RAB27A: variants seen among roughly 807,000 people sequenced by gnomAD.
RAB27A encodes the protein ras-related protein Rab-27A.
A neutral mutation model predicts 20.8 loss-of-function variants in RAB27A; 17 were observed. That is an observed-to-expected ratio of 0.82 (90% CI 0.56 to 1.23). RAB27A has a LOEUF of 1.23. RAB27A is among the 50% of genes most tolerant of loss of function. The probability of loss-of-function intolerance (pLI) is 0.00; values close to 1 mark genes in which losing one functional copy is unlikely to be tolerated. For synonymous variants in RAB27A, 85 were observed against 92.8 expected (o/e 0.92, Z 0.48); for missense variants, 277 against 266.7 (o/e 1.04, Z -0.27).
chr15:55,240,948 C>T (rs1160109862), intron 2 of RAB27A, among the ~76,000 whole-genome samples: 3 of 152,098 alleles, frequency 2.0e-5, no homozygotes, highest in African/African-American at 7.2e-5. Context: ...CTCAATGAAG[C>T]ACAATAATAA....
At position 55,204,955 on chromosome 15, in the gene RAB27A, A is replaced by G. The variant is rs1389577883; in HGVS notation, c.*552T>C. The G allele has an allele frequency of 5.9e-6, 1 of 170,020 alleles. No individual in the cohort carries two copies. The highest frequency in any genetic ancestry group is 2.4e-5 in the African/African-American group (1 of 41,578). The allele number at this position is 170,020 out of a possible 1,614,324, so 10.5% of individuals were successfully genotyped here. ...TAGATATAGCCATGATTTGTCCTAT[A>G]TTCATGTTAAATAGAATGCTTACAT... On this transcript the variant is annotated 3_prime_UTR_variant, in exon 7 of 7. Transcript: ENST00000336787.
At chr15:55,246,074 G>A (rs1251533623) in intron 2 of RAB27A, among the ~76,000 whole-genome samples, 2 of 151,176 alleles carry the variant, frequency 1.3e-5, no homozygotes, top group Non-Finnish European at 2.9e-5. Flanking sequence ...CTTCGTCTAA[G>A]ATATATATAT....
At chr15:55,297,952 C>A (rs557826992) in intron 2 of RAB27A, among the ~76,000 whole-genome samples, 31 of 152,188 alleles carry the variant, frequency 2.0e-4, no homozygotes, top group African/African-American at 7.5e-4. Context: ...CCTGTAATCC[C>A]AGCACTTTGG....
chr15:55,242,531 A>G (rs768190318), intron 2 of RAB27A, among the ~76,000 whole-genome samples: 2 of 152,238 alleles, frequency 1.3e-5, no homozygotes, highest in Non-Finnish European at 2.9e-5. Flanking sequence ...TAAGTGTTCA[A>G]TAATTGAGAC....
At position 55,298,241 on chromosome 15, in the gene RAB27A, T is replaced by C. The variant is rs370543113; in HGVS notation, c.-112+15798A>G. On this transcript the variant is annotated intron_variant, in intron 2 of 5. Coordinates refer to the RAB27A transcript ENST00000563262. ...AAAAAAAAGTCAGTTGTGGGCCGTA[T>C]TGGGGAACCTGCCCCGATAGTCACA... 8.6e-5 allele frequency among the ~76,000 whole-genome samples: 13 copies of C among 150,922 alleles called. No homozygotes were observed. The East Asian group carries it at 1.8e-3, about 20-fold the overall frequency.
chr15:55,220,005 C>G (rs941001934), intron 6 of RAB27A, among the ~76,000 whole-genome samples: 1 of 152,050 alleles, frequency 6.6e-6, no homozygotes, highest in South Asian at 2.1e-4. Context: ...TCTTAGGCCA[C>G]TACAAATTTT....
chr15:55,236,267 CAT>C (rs1359138687), intron 2 of RAB27A, among the ~76,000 whole-genome samples: 1 of 152,120 alleles, frequency 6.6e-6, no homozygotes, highest in Non-Finnish European at 1.5e-5. Context: ...TTCATTTTCA[CAT>C]GTTATTACGG....
chr15:55,259,063 AC>A (rs1897183367), intron 2 of RAB27A, among the ~76,000 whole-genome samples: 1 of 152,146 alleles, frequency 6.6e-6, no homozygotes. Flanking sequence ...TGATCCGCCC[AC>A]CTTGGCCGTC....
intron 2 of RAB27A, among the ~76,000 whole-genome samples, chr15:55,263,938 G>A (rs1016627616): frequency 2.6e-5 from 4 of 152,196 alleles, no homozygotes; most frequent in Non-Finnish European, 5.9e-5. Flanking sequence ...GGAGTCTTTA[G>A]TCTTACAAAA....
At chr15:55,213,050 T>C (rs979619260) in intron 6 of RAB27A, among the ~76,000 whole-genome samples, 10 of 152,230 alleles carry the variant, frequency 6.6e-5, no homozygotes, top group African/African-American at 2.4e-4. Flanking sequence ...AATAAAGCCA[T>C]GAAAGTCGTG....
At chr15:55,221,909 A>C (rs1895589679) in intron 6 of RAB27A, among the ~76,000 whole-genome samples, 1 of 152,086 alleles carries the variant, frequency 6.6e-6, no homozygotes, top group Non-Finnish European at 1.5e-5. Context: ...TTAGTCCCTC[A>C]TTATGGGCAC....
At chr15:55,230,507 AG>A in intron 3 of RAB27A, 21 bp from the exon 4 acceptor site, 4 of 1,586,900 alleles carry the variant, frequency 2.5e-6, no homozygotes, top group Non-Finnish European at 3.5e-6. Flanking sequence ...AAAGTGAAAG[AG>A]AAAACAAAAG....
chr15:55,274,709 C>CAGA lies in RAB27A; in HGVS notation c.-142-4428_-142-4426dup, dbSNP rs1436457731. Among the ~76,000 whole-genome samples the CAGA allele has an allele frequency of 4.7e-5, 7 of 148,462 alleles. No homozygotes were observed. In the South Asian group the frequency reaches 1.5e-3, roughly 31 times the overall value. On this transcript the variant is annotated intron_variant, in intron 1 of 6. Coordinates refer to ENST00000336787, the MANE Select transcript of RAB27A (RefSeq NM_183235.3). ...AGGAGAATCACTTGAACCTGGGAAG[C>CAGA]AGAAGTTGCAGTGAGCTGAGATTGC...
Position 55,204,440 on chromosome 15 carries a change from T to C in RAB27A, c.*1067A>G, listed in dbSNP as rs1894546994. 6.6e-6 allele frequency: 1 copy of C among 152,202 alleles called. No individual in the cohort carries two copies. The highest frequency in any genetic ancestry group is 1.5e-5 in the Non-Finnish European group (1 of 68,030). The allele number at this position is 152,202 out of a possible 1,614,324, so 9.4% of individuals were successfully genotyped here. A position where few individuals can be genotyped will look rare whatever the true frequency, so the allele number is the denominator to read the frequency against. ...GTGACTGCTTCAATATGAACATCTA[T>C]CTTCCACCAAATAGCAAACAGGCAT... On this transcript the variant is annotated 3_prime_UTR_variant, in exon 7 of 7. Transcript: ENST00000336787.
At chr15:55,236,583 G>A (rs989315385) in intron 2 of RAB27A, among the ~76,000 whole-genome samples, 2 of 152,082 alleles carry the variant, frequency 1.3e-5, no homozygotes, top group East Asian at 3.9e-4. Context: ...ACCTAACCAC[G>A]GCTATTTTTG....
chr15:55,240,276 T>A (rs1896428697), intron 2 of RAB27A, among the ~76,000 whole-genome samples: 2 of 152,086 alleles, frequency 1.3e-5, no homozygotes, highest in African/African-American at 4.8e-5. Flanking sequence ...AATTTGACAT[T>A]TGGGGCACCC....
At chr15:55,222,594 T>G (rs1334903393) in intron 6 of RAB27A, among the ~76,000 whole-genome samples, 1 of 152,160 alleles carries the variant, frequency 6.6e-6, no homozygotes, top group African/African-American at 2.4e-5. Context: ...GAGTCTGGCT[T>G]CTTCCTACCT....
intron 2 of RAB27A, among the ~76,000 whole-genome samples, chr15:55,302,448 C>A (rs993234456): frequency 2.6e-5 from 4 of 152,138 alleles, no homozygotes; most frequent in African/African-American, 9.7e-5. Flanking sequence ...CAGCCGCCTG[C>A]CTTGGCCTCC....
chr15:55,239,498 C>G (rs1896395907), intron 2 of RAB27A, among the ~76,000 whole-genome samples: 1 of 152,082 alleles, frequency 6.6e-6, no homozygotes, highest in African/African-American at 2.4e-5. Context: ...CACACTCGAA[C>G]AGCATGTATG....
Sources: gnomAD v4.1 joint callset for allele counts (sites outside exome capture counted in the v4.1 genomes callset) on GRCh38, gnomAD v4.1.1 for gene constraint, MANE v1.5 for transcripts, NCBI Gene and HGNC (gene_info 2026-07-23, HGNC 2026-07-21) for gene names.